Variants in MYCBP2 observed in about 807,000 individuals in gnomAD.
MYCBP2 encodes the protein MYC binding protein 2, also known as E3 ubiquitin-protein ligase MYCBP2.
Under a neutral mutation model 525.3 loss-of-function variants are expected in MYCBP2, and 120 were observed. The observed-to-expected ratio is 0.23, with a 90% CI of 0.20 to 0.27. The LOEUF (loss-of-function observed/expected upper bound fraction) is 0.27, where lower values mean the gene tolerates loss of function less well. Among genes scored for constraint, MYCBP2 ranks in the 10% least tolerant of loss-of-function variants. The probability of loss-of-function intolerance (pLI) is 1.00; values close to 1 mark genes in which losing one functional copy is unlikely to be tolerated. For synonymous variants in MYCBP2, 1,894 were observed against 1,955.8 expected, an observed-to-expected ratio of 0.97 and a Z score of 0.83; for missense variants, 4,149 against 5,657.1, an observed-to-expected ratio of 0.73 and a Z score of 8.55.
At chr13:77,051,708 C>T in intron 81 of MYCBP2, 103 bp downstream of exon 81, 3 of 750,466 alleles carry the variant, frequency 4.0e-6, no homozygotes, top group Non-Finnish European at 6.5e-6. Context: ...TCAGAAAATA[C>T]TGAGGAGAAA....
rs1032156849 is a variant in MYCBP2, at chr13:77,093,309, C to G, written c.10223G>C (p.Gly3408Ala). Residue 3408 changes from glycine (G) to alanine (A), a missense_variant, in exon 59 of 83, where the codon GGC becomes GCC. This residue lies in a region of MYCBP2 where 509 missense variants were observed against 789.4 expected (regional missense o/e 0.64). Transcript: ENST00000544440. ...LARHHHENFV[G>A]YQDDNLFQDE... is the part of the protein sequence containing the mutation. ...CTGGAATAGATTGTCATCTTGATAG[C>G]CCACAAAATTTTCATGATGATGCCT... The G allele has an allele frequency of 6.2e-7, 1 of 1,612,944 alleles. No individual in the cohort carries two copies. The highest frequency in any genetic ancestry group is 1.3e-5 in the African/African-American group (1 of 74,840).
intron 21 of MYCBP2, among the ~76,000 whole-genome samples, chr13:77,215,449 G>A (rs577615260): frequency 1.3e-5 from 2 of 152,272 alleles, no homozygotes; most frequent in South Asian, 2.1e-4. Flanking sequence ...CATATCTGGG[G>A]ACTAAGTGAG....
rs757876692 is a variant in MYCBP2, at chr13:77,161,936, G to C, written c.6567C>G (p.Asp2189Glu). Residue 2189 changes from aspartate (D) to glutamate (E), a missense_variant, in exon 44 of 83, where the codon GAC (aspartate) becomes GAG (glutamate). Asp to Glu is a conservative substitution (Grantham distance 45). Transcript: ENST00000544440. ...ALPIGNELEE[D>E]LEILEEAALQ... ...ATGCAGCCTCCTCAAGAATTTCAAG[G>C]TCTTCTTCTAATTCATTACCTGTTG... 1.2e-6 allele frequency: 2 copies of C among 1,606,796 alleles called. No individual in the cohort carries two copies. Among genetic ancestry groups the C allele is most frequent in the Non-Finnish European group, 1.7e-6 (2 of 1,175,980 alleles).
intron 56 of MYCBP2, 50 bp downstream of exon 56, chr13:77,097,320 G>A: frequency 6.5e-7 from 1 of 1,534,676 alleles, no homozygotes; most frequent in Non-Finnish European, 8.7e-7. Flanking sequence ...AAGTGATCTG[G>A]TTCATTAAAG....
chr13:77,223,834 A>G (rs1322471293), intron 20 of MYCBP2, among the ~76,000 whole-genome samples: 1 of 152,188 alleles, frequency 6.6e-6, no homozygotes, highest in Non-Finnish European at 1.5e-5. Context: ...TTAAGTTCAC[A>G]TGGCCACATC....
At chr13:77,320,099 T>C (rs2081410241) in intron 1 of MYCBP2, among the ~76,000 whole-genome samples, 1 of 152,168 alleles carries the variant, frequency 6.6e-6, no homozygotes, top group Admixed American at 6.5e-5. Flanking sequence ...CAAGGTTGGC[T>C]TGTCTTATAG....
At position 77,144,437 on chromosome 13, in the gene MYCBP2, G is replaced by C. The variant is rs764752551; in HGVS notation, c.7303+8C>G. ...GTAAGTAGTAGCTCATGGCTTTAAA[G>C]AAAATACCGATTTCAATGCCATCAA... is the stretch of plus-strand genomic sequence containing the variant. On this transcript the variant is annotated splice_region_variant and intron_variant, in intron 49 of 82. Coordinates refer to ENST00000544440, the MANE Select transcript of MYCBP2 (RefSeq NM_015057.5). The C allele has an allele frequency of 6.3e-7, 1 of 1,587,050 alleles. No homozygotes were observed. The highest frequency in any genetic ancestry group is 1.1e-5 in the South Asian group (1 of 90,194).
Position 77,291,297 on chromosome 13 carries a change from T to C in MYCBP2, c.379-2921A>G, listed in dbSNP as rs868296492. 4.6e-5 allele frequency among the ~76,000 whole-genome samples: 7 copies of C among 152,296 alleles called. No individual in the cohort carries two copies. The South Asian group carries it at 1.0e-3, about 23-fold the overall frequency. ...TGAAAAGATTTCACATCATTAGTCA[T>C]TAGAGAAAAGCAAGCTAAAACCACA... On this transcript the variant is annotated intron_variant, in intron 2 of 82. Transcript: ENST00000544440.
intron 10 of MYCBP2, 22 bp downstream of exon 10, chr13:77,263,629 A>G: frequency 1.3e-6 from 2 of 1,596,128 alleles, no homozygotes; most frequent in South Asian, 1.1e-5. Context: ...ATATAGGGAA[A>G]ACACTTAATT....
chr13:77,322,096 G>A (rs1052883842), intron 1 of MYCBP2, among the ~76,000 whole-genome samples: 1 of 152,104 alleles, frequency 6.6e-6, no homozygotes, highest in Non-Finnish European at 1.5e-5. Context: ...AAGAGGTTGA[G>A]GCTGCAGTGA....
rs187852972 is a variant in MYCBP2, at chr13:77,184,457, T to A, written c.4719+646A>T. Among the ~76,000 whole-genome samples the A allele has an allele frequency of 1.7e-3, 254 of 152,354 alleles. 4 individuals are homozygous for A. The highest frequency in any genetic ancestry group is 5.4e-3 in the African/African-American group (225 of 41,574). ...ATTTCTTTTAAAAATCATGTGTACTTGAAAAGAATATGTATTTTGCAGTTT... is the reference window on the plus strand; with the variant it reads ...ATTTCTTTTAAAAATCATGTGTACTAGAAAAGAATATGTATTTTGCAGTTT... On this transcript the variant is annotated intron_variant, in intron 32 of 82. Coordinates refer to ENST00000544440, the MANE Select transcript of MYCBP2 (RefSeq NM_015057.5).
At chr13:77,052,847 G>A (rs143271961) in intron 80 of MYCBP2, among the ~76,000 whole-genome samples, 1 of 152,212 alleles carries the variant, frequency 6.6e-6, no homozygotes, top group Non-Finnish European at 1.5e-5. Context: ...AGAAAAGGCC[G>A]GCTGGGCATG....
At chr13:77,068,955 T>C in intron 69 of MYCBP2, 124 bp from the exon 70 acceptor site, 2 of 914,798 alleles carry the variant, frequency 2.2e-6, no homozygotes, top group Non-Finnish European at 3.3e-6. Context: ...AATACTATTC[T>C]CCCAGTTAAT....
In MYCBP2 at chr13:77,168,601, C is replaced by A. The variant is rs747114765; in HGVS notation, c.5941G>T (p.Val1981Phe). Residue 1981 changes from valine (V) to phenylalanine (F), a missense_variant, in exon 40 of 83, where the codon GTT (valine) becomes TTT (phenylalanine). Physicochemically the swap from Val to Phe is conservative, Grantham distance 50. Around this residue, in one of 21 missense-constraint regions of MYCBP2, gnomAD observed 692 missense variants for 852.7 expected, o/e 0.81. Coordinates refer to ENST00000544440, the MANE Select transcript of MYCBP2 (RefSeq NM_015057.5). The stretch of plus-strand genomic sequence containing the variant: ...GCATACTTCTGATTCAAAATGGCAA[C>A]TGACGGAAGCAATTGTTGGACAAGG... Reference protein sequence around the residue: ...FGLVQQLLPSVAILNQKYAPP... With the variant: ...FGLVQQLLPSFAILNQKYAPP... 24 of 1,614,062 alleles carry A rather than the reference C, an allele frequency of 1.5e-5. No individual in the cohort carries two copies. Among genetic ancestry groups the A allele is most frequent in the Admixed American group, 8.3e-5 (5 of 59,998 alleles).
chr13:77,205,069 A>T (rs567004768), intron 26 of MYCBP2, among the ~76,000 whole-genome samples, 187 bp downstream of exon 26: 65 of 152,128 alleles, frequency 4.3e-4, no homozygotes, highest in African/African-American at 6.7e-4. Flanking sequence ...AAATAAATTT[A>T]AAAAATTTAG....
At chr13:77,171,043 T>C (rs2059092804) in intron 38 of MYCBP2, among the ~76,000 whole-genome samples, 2 of 151,698 alleles carry the variant, frequency 1.3e-5, no homozygotes, top group Non-Finnish European at 2.9e-5. Flanking sequence ...GGAGAAGAAG[T>C]GAAAGAGAGG....
chr13:77,295,586 A>C (rs573564695), intron 2 of MYCBP2, among the ~76,000 whole-genome samples: 2 of 152,342 alleles, frequency 1.3e-5, no homozygotes, highest in East Asian at 3.9e-4. Flanking sequence ...AAAGTGTAGG[A>C]AACAATTGCC....
chr13:77,156,344 A>T, intron 45 of MYCBP2, 142 bp from the exon 46 acceptor site: 1 of 721,850 alleles, frequency 1.4e-6, no homozygotes, highest in Non-Finnish European at 2.2e-6. Flanking sequence ...CTCAGTGATA[A>T]TCATGAGTGT....
At chr13:77,125,551 C>T (rs1485416611) in intron 53 of MYCBP2, 83 bp from the exon 54 acceptor site, 24 of 1,471,302 alleles carry the variant, frequency 1.6e-5, no homozygotes, top group Non-Finnish European at 2.3e-5. Flanking sequence ...TCTTACGTGT[C>T]TGAATAGTGT....
Sources: allele counts gnomAD v4.1 joint callset (sites outside exome capture counted in the v4.1 genomes callset), GRCh38; gene constraint gnomAD v4.1.1; regional missense constraint gnomAD v4.1.1; transcripts MANE v1.5; gene names NCBI Gene and HGNC (gene_info 2026-07-23, HGNC 2026-07-21).